The following JARID2 variants were observed in gnomAD, a reference collection of about 807,000 sequenced individuals.
JARID2 encodes protein Jumonji.
A neutral mutation model predicts 125.6 loss-of-function variants in JARID2; 21 were observed. The ratio of observed to expected loss-of-function variants is 0.17; its 90% CI spans 0.12 to 0.24. JARID2 has a LOEUF of 0.24. JARID2 is among the 10% of genes least tolerant of loss of function. The pLI is 1.00. For missense variants in JARID2, 1,303 were observed against 1,639.6 expected (o/e 0.79, Z 3.55); for synonymous variants, 736 against 661.6 (o/e 1.11, Z -1.73).
intron 1 of JARID2, among the ~76,000 whole-genome samples, chr6:15,327,442 C>T (rs1229321057): frequency 2.0e-5 from 3 of 151,976 alleles, no homozygotes; most frequent in African/African-American, 4.8e-5. Context: ...GGTGAGGCCA[C>T]GAGGGGGAGA....
At chr6:15,328,030 A>T (rs1334910178) in intron 1 of JARID2, among the ~76,000 whole-genome samples, 3 of 152,136 alleles carry the variant, frequency 2.0e-5, no homozygotes, top group Non-Finnish European at 2.9e-5. Context: ...GTGGATTGCC[A>T]GTGAATATTT....
At chr6:15,513,518 G>A (rs1239598438) in intron 16 of JARID2, 96 bp downstream of exon 16, 1 of 1,198,248 alleles carries the variant, frequency 8.3e-7, no homozygotes, top group East Asian at 2.5e-5. Flanking sequence ...TCTCTGCCCA[G>A]GAGACCTGCT....
At chr6:15,291,184 G>A (rs746826077) in intron 1 of JARID2, among the ~76,000 whole-genome samples, 5 of 152,188 alleles carry the variant, frequency 3.3e-5, no homozygotes, top group Admixed American at 1.3e-4. Context: ...GTTGTGAGCC[G>A]TGATTGCACC....
At chr6:15,467,401 C>A (rs563000004) in intron 4 of JARID2, among the ~76,000 whole-genome samples, 69 of 152,006 alleles carry the variant, frequency 4.5e-4, no homozygotes, top group African/African-American at 1.4e-3. Flanking sequence ...TTTACTAGTT[C>A]TTTTACTATT....
chr6:15,415,401 G>A (rs529767700), intron 3 of JARID2, among the ~76,000 whole-genome samples: 76 of 151,760 alleles, frequency 5.0e-4, no homozygotes, highest in African/African-American at 1.8e-3. Context: ...CCGGGCAGAG[G>A]CGCCCCTCAC....
At position 15,521,297 on chromosome 6, in the gene JARID2, T is replaced by C. The variant is rs1357206321; in HGVS notation, c.*1046T>C. 6.6e-6 allele frequency: 1 copy of C among 152,116 alleles called. No individual in the cohort carries two copies. The highest frequency in any genetic ancestry group is 1.5e-5 in the Non-Finnish European group (1 of 68,074). The allele number at this position is 152,116 out of a possible 1,614,324, so 9.4% of individuals were successfully genotyped here. On this transcript the variant is annotated 3_prime_UTR_variant, in exon 18 of 18. Transcript: ENST00000341776. ...TTTGAATGTGAAAATGCATTTGCGT[T>C]CATCTTGTCTATTTTTTCTCTTCAT...
intron 1 of JARID2, among the ~76,000 whole-genome samples, chr6:15,271,730 T>C (rs956579251): frequency 4.6e-5 from 7 of 152,180 alleles, no homozygotes; most frequent in Admixed American, 4.6e-4. Flanking sequence ...CCAAGCACAG[T>C]GGCTCATGCC....
intron 3 of JARID2, among the ~76,000 whole-genome samples, chr6:15,443,759 G>T (rs1030816162): frequency 2.6e-5 from 4 of 152,006 alleles, no homozygotes; most frequent in Non-Finnish European, 5.9e-5. Flanking sequence ...GCTAGAGAGA[G>T]CCTTAGCTTC....
At chr6:15,480,271 T>C (rs1390162526) in intron 5 of JARID2, among the ~76,000 whole-genome samples, 1 of 152,214 alleles carries the variant, frequency 6.6e-6, no homozygotes, top group Non-Finnish European at 1.5e-5. Flanking sequence ...GTTGCCTTGC[T>C]AGCAGATGTT....
chr6:15,488,212 A>C (rs564659736), intron 6 of JARID2, among the ~76,000 whole-genome samples: 1 of 152,180 alleles, frequency 6.6e-6, no homozygotes, highest in Non-Finnish European at 1.5e-5. Flanking sequence ...GGCAGTTTTG[A>C]AGAATCCCTC....
chr6:15,507,114 A>T (rs1771043193), intron 9 of JARID2, 22 bp from the exon 10 acceptor site: 1 of 1,502,496 alleles, frequency 6.7e-7, no homozygotes, highest in African/African-American at 1.4e-5. Context: ...GGTGCTGACC[A>T]GCCCTTTCCT....
At chr6:15,299,645 T>C (rs1383680024) in intron 1 of JARID2, among the ~76,000 whole-genome samples, 1 of 152,094 alleles carries the variant, frequency 6.6e-6, no homozygotes, top group Admixed American at 6.6e-5. Flanking sequence ...CTGTGGCTTG[T>C]GTCTCAGTTC....
intron 1 of JARID2, among the ~76,000 whole-genome samples, chr6:15,267,992 C>A (rs1370003338): frequency 1.3e-5 from 2 of 152,152 alleles, no homozygotes; most frequent in Admixed American, 1.3e-4. Flanking sequence ...ATAGTATGGA[C>A]AACCCCACAC....
intron 1 of JARID2, among the ~76,000 whole-genome samples, chr6:15,306,664 A>G (rs1761838979): frequency 1.3e-5 from 2 of 151,876 alleles, no homozygotes. Context: ...CATAAGGATC[A>G]TACTGTTTAT....
chr6:15,436,882 G>T (rs1767229499), intron 3 of JARID2, among the ~76,000 whole-genome samples: 1 of 151,868 alleles, frequency 6.6e-6, no homozygotes, highest in African/African-American at 2.4e-5. Context: ...CAGTTCAGGG[G>T]AGAATGAGGT....
intron 1 of JARID2, among the ~76,000 whole-genome samples, chr6:15,326,598 C>G (rs954487957): frequency 6.6e-6 from 1 of 152,218 alleles, no homozygotes; most frequent in African/African-American, 2.4e-5. Context: ...ACCTCCCAGA[C>G]TCAGACAGTT....
chr6:15,512,090 C>A, intron 13 of JARID2, 118 bp from the exon 14 acceptor site: 1 of 821,180 alleles, frequency 1.2e-6, no homozygotes, highest in East Asian at 2.7e-5. Flanking sequence ...TTATTTTCCA[C>A]ATAAAACAAT....
At chr6:15,487,658 C>T (rs1769945015) in intron 6 of JARID2, 116 bp downstream of exon 6, 2 of 909,522 alleles carry the variant, frequency 2.2e-6, no homozygotes, top group Non-Finnish European at 1.7e-6. Flanking sequence ...TGCCCAGAAG[C>T]AAGACAGGGA....
chr6:15,349,458 T>C lies in JARID2; in HGVS notation c.46-24659T>C, dbSNP rs72834596. Among the ~76,000 whole-genome samples the C allele has an allele frequency of 9.1e-3, 1,390 of 152,276 alleles. 12 individuals carry two copies. The highest frequency in any genetic ancestry group is 0.024 in the Middle Eastern group (7 of 294). On this transcript the variant is annotated intron_variant, in intron 1 of 17. Coordinates refer to ENST00000341776, the MANE Select transcript of JARID2 (RefSeq NM_004973.4). ...AAGAATTATTTGCAGGTTGGAAAATTCTCACTTCTATTTCCAGGATTGTTC... is the reference window on the plus strand; with the variant it reads ...AAGAATTATTTGCAGGTTGGAAAATCCTCACTTCTATTTCCAGGATTGTTC...
Sources: allele counts gnomAD v4.1 joint callset (sites outside exome capture counted in the v4.1 genomes callset), GRCh38; gene constraint gnomAD v4.1.1; transcripts MANE v1.5; gene names NCBI Gene and HGNC (gene_info 2026-07-23, HGNC 2026-07-21).